MYO9B: variants seen among roughly 807,000 people sequenced by gnomAD.
MYO9B encodes unconventional myosin-IXb.
In MYO9B, 71 loss-of-function variants were observed where a neutral mutation model predicts 229.5. The observed-to-expected ratio is 0.31, with a 90% CI of 0.26 to 0.38. MYO9B has a LOEUF of 0.38. Among genes scored for constraint, MYO9B ranks in the 10% least tolerant of loss-of-function variants. The pLI is 1.00. For missense variants in MYO9B, 2,255 were observed against 2,920.5 expected, an observed-to-expected ratio of 0.77 and a Z score of 5.25; for synonymous variants, 1,185 against 1,235.8, an observed-to-expected ratio of 0.96 and a Z score of 0.86.
intron 38 of MYO9B, among the ~76,000 whole-genome samples, chr19:17,211,065 C>A (rs1342194700): frequency 7.0e-6 from 1 of 142,750 alleles, no homozygotes; most frequent in African/African-American, 2.6e-5. Context: ...CTCACTGCAA[C>A]CTCCATCTCC....
At chr19:17,209,841 G>C (rs1418626448) in intron 36 of MYO9B, 132 bp downstream of exon 36, 8 of 1,147,006 alleles carry the variant, frequency 7.0e-6, no homozygotes, top group Non-Finnish European at 8.4e-6. Flanking sequence ...CCTTGGGTGG[G>C]CAGGACCTCC....
At chr19:17,102,650 C>G (rs1448403939) in intron 2 of MYO9B, 93 bp downstream of exon 2, 2 of 1,439,800 alleles carry the variant, frequency 1.4e-6, no homozygotes, top group African/African-American at 2.9e-5. Flanking sequence ...TCTATAATCC[C>G]AATGCTTTGG....
intron 2 of MYO9B, among the ~76,000 whole-genome samples, chr19:17,104,090 A>G (rs2057771309): frequency 6.6e-6 from 1 of 151,624 alleles, no homozygotes; most frequent in African/African-American, 2.4e-5. Flanking sequence ...GTTAATACAC[A>G]TTTGGCTTCC....
intron 10 of MYO9B, among the ~76,000 whole-genome samples, chr19:17,167,344 G>T (rs549054942): frequency 6.6e-6 from 1 of 151,714 alleles, no homozygotes; most frequent in South Asian, 2.1e-4. Flanking sequence ...TGTTGTCCAG[G>T]CTGGTCTTGA....
At chr19:17,150,502 TG>T (rs1411276743) in intron 3 of MYO9B, among the ~76,000 whole-genome samples, 1 of 152,166 alleles carries the variant, frequency 6.6e-6, no homozygotes, top group East Asian at 1.9e-4. Context: ...TGCCACTCCT[TG>T]GGCACCAGCT....
chr19:17,146,809 A>G (rs1398790567), intron 3 of MYO9B, among the ~76,000 whole-genome samples: 1 of 152,124 alleles, frequency 6.6e-6, no homozygotes, highest in Non-Finnish European at 1.5e-5. Flanking sequence ...AGGCCTGGAT[A>G]CTCACAGGGA....
At chr19:17,210,308 C>G (rs1367629259) in intron 36 of MYO9B, 25 bp from the exon 37 acceptor site, 1 of 1,578,786 alleles carries the variant, frequency 6.3e-7, no homozygotes, top group African/African-American at 1.3e-5. Context: ...CCCGTGTGGT[C>G]ACCCTGTGTT....
At chr19:17,141,974 C>G (rs997035613) in intron 2 of MYO9B, among the ~76,000 whole-genome samples, 3 of 152,096 alleles carry the variant, frequency 2.0e-5, no homozygotes, top group African/African-American at 7.2e-5. Flanking sequence ...GCCGGGAGTT[C>G]AAGACCAGCC....
chr19:17,110,099 A>T (rs2057832948), intron 2 of MYO9B, among the ~76,000 whole-genome samples: 1 of 152,030 alleles, frequency 6.6e-6, no homozygotes, highest in African/African-American at 2.4e-5. Flanking sequence ...CGCTGCATCG[A>T]TTGGGGATTT....
At chr19:17,145,610 G>A (rs2072399638) in intron 3 of MYO9B, 119 bp downstream of exon 3, 1 of 886,326 alleles carries the variant, frequency 1.1e-6, no homozygotes, top group Admixed American at 2.2e-5. Context: ...TGCTTTGTAT[G>A]GGAGAGCGAG....
chr19:17,122,658 A>G (rs2057976374), intron 2 of MYO9B, among the ~76,000 whole-genome samples: 1 of 152,208 alleles, frequency 6.6e-6, no homozygotes, highest in African/African-American at 2.4e-5. Context: ...CTGAGACGGG[A>G]CGATCACTTG....
Position 17,156,799 on chromosome 19 carries a change from G to A in MYO9B, c.1200-110G>A, listed in dbSNP as rs968618338. On this transcript the variant is annotated intron_variant, in intron 6 of 39. Transcript: ENST00000682292. Reference sequence around the variant, plus strand: ...CTTAGACATTTTTCAAATTTCATGCGTTCCGACCAGAATTTGCTGGTTTTA... The same window carrying A: ...CTTAGACATTTTTCAAATTTCATGCATTCCGACCAGAATTTGCTGGTTTTA... 31 of 1,316,992 alleles carry A rather than the reference G, an allele frequency of 2.4e-5. No homozygotes were observed. The East Asian group carries it at 2.4e-4, about 10-fold the overall frequency. The allele number at this position is 1,316,992 out of a possible 1,614,324, so 81.6% of individuals were successfully genotyped here.
intron 7 of MYO9B, chr19:17,157,330 G>A (rs6512172): frequency 0.25 from 73,259 of 295,016 alleles, 10,125 homozygotes; most frequent in East Asian, 0.4. Context: ...CAAGGTGGGC[G>A]GATGACCTGA....
rs1333219622 is a variant in MYO9B at position 17,096,762 on chromosome 19, G to A, written c.-58-4898G>A. Among the ~76,000 whole-genome samples the A allele has an allele frequency of 2.1e-5, 3 of 144,744 alleles. No homozygotes were observed. The East Asian group carries it at 6.4e-4, about 31-fold the overall frequency. The allele number at this position is 144,744 out of a possible 152,430, so 95.0% of individuals were successfully genotyped here. On this transcript the variant is annotated intron_variant, in intron 1 of 39. Coordinates refer to ENST00000682292, the MANE Select transcript of MYO9B (RefSeq NM_004145.4). ...GCTCTGTCGCCCAGGCTGGAGTGCA[G>A]TGGCATGATCTCAGCTCACTGCAAG...
In MYO9B at chr19:17,101,538, C is replaced by A; in HGVS notation, c.-58-122C>A. The A allele has an allele frequency of 2.0e-6, 2 of 1,007,710 alleles. No homozygotes were observed. The highest frequency in any genetic ancestry group is 2.8e-6 in the Non-Finnish European group (2 of 713,970). 62.4% of individuals were successfully genotyped at this position (1,007,710 alleles called of 1,614,324 possible). Reference sequence around the variant, plus strand: ...GGTTGCCTCTGGCTTTTTGGGCGAGCCTAGTCGGGTGGGGAACTCCAGCAT... The same window carrying A: ...GGTTGCCTCTGGCTTTTTGGGCGAGACTAGTCGGGTGGGGAACTCCAGCAT... On this transcript the variant is annotated intron_variant, in intron 1 of 39. Coordinates refer to ENST00000682292, the MANE Select transcript of MYO9B (RefSeq NM_004145.4). The surrounding 1 kb of genome is among the most constrained non-coding windows in gnomAD (Gnocchi z 4.7).
chr19:17,205,924 C>G (rs771715740), intron 31 of MYO9B, 36 bp from the exon 32 acceptor site: 2 of 1,516,484 alleles, frequency 1.3e-6, no homozygotes, highest in African/African-American at 2.8e-5. Context: ...GGAAGACAGC[C>G]AGGCCCAGAC....
intron 3 of MYO9B, among the ~76,000 whole-genome samples, chr19:17,148,814 C>T (rs1162913384): frequency 6.6e-6 from 1 of 152,090 alleles, no homozygotes; most frequent in Non-Finnish European, 1.5e-5. Context: ...AAACTCCTGG[C>T]CTCAAGTGAT....
At position 17,102,531 on chromosome 19, in the gene MYO9B, A is replaced by C. The variant is rs751856655; in HGVS notation, c.814A>C (p.Ile272Leu). ...KGYASGVERTILGAGPVLEAF... is the reference protein window; with the variant it reads ...KGYASGVERTLLGAGPVLEAF... Reference sequence around the variant, plus strand: ...CTACGCCAGCGGCGTCGAGAGGACCATCCTGGGTGCTGGCCCTGTGCTGGA... The same window carrying C: ...CTACGCCAGCGGCGTCGAGAGGACCCTCCTGGGTGCTGGCCCTGTGCTGGA... Residue 272 changes from isoleucine to leucine, a missense_variant, in exon 2 of 40, where the codon ATC becomes CTC. Physicochemically the swap from Ile to Leu is conservative, Grantham distance 5 (BLOSUM62 2). Transcript: ENST00000682292. 6.2e-7 allele frequency: 1 copy of C among 1,604,668 alleles called. No individual in the cohort carries two copies. Among genetic ancestry groups the C allele is most frequent in the East Asian group, 2.2e-5 (1 of 44,480 alleles).
intron 7 of MYO9B, 112 bp from the exon 8 acceptor site, chr19:17,159,283 G>A (rs1045362133): frequency 2.2e-6 from 2 of 912,034 alleles, no homozygotes; most frequent in East Asian, 2.7e-5. Flanking sequence ...GGCTGCTGGG[G>A]GTCCGTCTCC....
Sources: allele counts gnomAD v4.1 joint callset (sites outside exome capture counted in the v4.1 genomes callset), GRCh38; gene constraint gnomAD v4.1.1; non-coding constraint Gnocchi (gnomAD v3.1); transcripts MANE v1.5; gene names NCBI Gene and HGNC (gene_info 2026-07-23, HGNC 2026-07-21).